The following PLXNB3 variants were observed in gnomAD, a reference collection of about 807,000 sequenced individuals.
PLXNB3 encodes the protein plexin B3.
Under a neutral mutation model 125.7 loss-of-function variants are expected in PLXNB3, and 80 were observed. That is an observed-to-expected ratio of 0.64 (90% CI 0.53 to 0.77). PLXNB3 has a LOEUF of 0.77. PLXNB3 is among the 30% of genes least tolerant of loss of function. The probability of loss-of-function intolerance (pLI) is 0.00; values close to 1 mark genes in which losing one functional copy is unlikely to be tolerated. For synonymous variants in PLXNB3, 954 were observed against 783.3 expected (o/e 1.22, Z -3.64); for missense variants, 1,836 against 1,729.3 (o/e 1.06, Z -1.09).
intron 2 of PLXNB3, 140 bp from the exon 3 acceptor site, chrX:153,766,733 C>T (rs1326051427): frequency 4.8e-6 from 5 of 1,050,434 alleles, no homozygotes; most frequent in Admixed American, 4.0e-5. Flanking sequence ...TCTCCGCTCA[C>T]TCTCTCTCAT....
In PLXNB3 at chrX:153,768,341, C is replaced by T. The variant is rs147527982; in HGVS notation, c.1179C>T (p.Leu393=). The change falls in exon 4 of 36, where the codon CTC becomes CTT. Residue 393 remains leucine, a synonymous_variant. Coordinates refer to ENST00000361971, the MANE Select transcript of PLXNB3 (RefSeq NM_005393.3). ...QPLEVQPLLK[L]GQPVSAVAAL... is the part of the protein sequence containing the mutation. ...TGGAGGTCCAGCCTCTGCTGAAGCT[C>T]GGGCAGCCGGTCAGCGCCGTGGCAG... 49 of 1,209,682 alleles carry T rather than the reference C, an allele frequency of 4.1e-5. No individual in the cohort carries two copies. In the Admixed American group the frequency reaches 4.3e-4, roughly 11 times the overall value.
At chrX:153,772,144 CCT>C in intron 15 of PLXNB3, 36 bp from the exon 16 acceptor site, 1 of 884,610 alleles carries the variant, frequency 1.1e-6, no homozygotes, top group Non-Finnish European at 1.4e-6. Flanking sequence ...CCCCTCCGTC[CCT>C]GAGCCCTGAG....
intron 31 of PLXNB3, 40 bp from the exon 32 acceptor site, chrX:153,777,908 A>T (rs2092014446): frequency 8.5e-7 from 1 of 1,176,247 alleles, no homozygotes; most frequent in Non-Finnish European, 1.1e-6. Context: ...TCACGATGGC[A>T]GGCCAGGGCC....
chrX:153,775,927 T>G lies in PLXNB3; in HGVS notation c.4442T>G (p.Ile1481Ser). ...CCACTGTACATGCTCTTCCGGGCCATCCAGTACCAGGTGGACAAAGGCCCC... is the reference window on the plus strand; with the variant it reads ...CCACTGTACATGCTCTTCCGGGCCAGCCAGTACCAGGTGGACAAAGGCCCC... ...GEPLYMLFRA[I>S]QYQVDKGPVD... The change falls in exon 27 of 36, where the codon ATC becomes AGC. Residue 1481 changes from isoleucine to serine, a missense_variant. Physicochemically the swap from Ile to Ser is moderately radical, Grantham distance 142 (BLOSUM62 -2). Coordinates refer to ENST00000361971, the MANE Select transcript of PLXNB3 (RefSeq NM_005393.3). 8.3e-7 allele frequency: 1 copy of G among 1,210,990 alleles called. No homozygotes were observed. The highest frequency in any genetic ancestry group is 1.1e-6 in the Non-Finnish European group (1 of 895,396).
intron 2 of PLXNB3, chrX:153,765,874 G>A (rs959089324): frequency 1.1e-5 from 8 of 752,702 alleles, no homozygotes; most frequent in Admixed American, 8.6e-5. Context: ...GGGCAGGAGG[G>A]GCCAGAGAAG....
chrX:153,771,719 C>A, intron 14 of PLXNB3, 64 bp downstream of exon 14: 1 of 1,125,686 alleles, frequency 8.9e-7, no homozygotes, highest in East Asian at 3.1e-5. Flanking sequence ...ACTGTCCTGT[C>A]CTCCGTGATC....
At position 153,775,253 on chromosome X, in the gene PLXNB3, G is replaced by A. The variant is rs150648419; in HGVS notation, c.4184G>A (p.Ser1395Asn). ...ATCCACACCCTGGAGGAGCAGCCCA[G>A]CTTTTCCCAGAGGGATCGCTGCCAT... ...TLIHTLEEQP[S>N]FSQRDRCHVA... The change falls in exon 25 of 36, where the codon AGC becomes AAC. Residue 1395 changes from serine (S) to asparagine (N), a missense_variant. Physicochemically the swap from Ser to Asn is conservative, Grantham distance 46. Coordinates refer to ENST00000361971, the MANE Select transcript of PLXNB3 (RefSeq NM_005393.3). 3,499 of 1,195,975 alleles carry A rather than the reference G, an allele frequency of 2.9e-3. 8 individuals are homozygous for A. The highest frequency in any genetic ancestry group is 6.7e-3 in the Middle Eastern group (29 of 4,298).
At position 153,766,910 on chromosome X, in the gene PLXNB3, G is replaced by A. The variant is rs35537879; in HGVS notation, c.83G>A (p.Cys28Tyr). Reference sequence around the variant, plus strand: ...GCTCGCTGGCCTCCCTTCGGCCTCTGCCTCCTCCTGCTGCTGCTGTCCCCA... The same window carrying A: ...GCTCGCTGGCCTCCCTTCGGCCTCTACCTCCTCCTGCTGCTGCTGTCCCCA... ...VMARWPPFGL[C>Y]LLLLLLSPPP... Residue 28 changes from cysteine to tyrosine, a missense_variant, in exon 3 of 36, where the codon TGC becomes TAC. By Grantham distance (194) the Cys-to-Tyr change is radical. Transcript: ENST00000361971. The A allele has an allele frequency of 6.2e-4, 744 of 1,205,513 alleles. 4 individuals are homozygous for A. In the African/African-American group the frequency reaches 0.012, roughly 19 times the overall value.
Position 153,773,102 on chromosome X carries a change from G to C in PLXNB3, c.2906+86G>C. 6 of 1,072,971 alleles carry C rather than the reference G, an allele frequency of 5.6e-6. No homozygotes were observed. In the South Asian group the frequency reaches 1.4e-4, roughly 24 times the overall value. The allele number at this position is 1,072,971 out of a possible 1,213,427, so 88.4% of individuals were successfully genotyped here. On this transcript the variant is annotated intron_variant, in intron 17 of 35. Coordinates refer to ENST00000361971, the MANE Select transcript of PLXNB3 (RefSeq NM_005393.3). ...GTACATTTAGAGAAGTGGTTGCTGTGGCCACCCCCAGTGGTCCCTGCCCTT... is the reference window on the plus strand; with the variant it reads ...GTACATTTAGAGAAGTGGTTGCTGTCGCCACCCCCAGTGGTCCCTGCCCTT...
At chrX:153,770,735 G>T in intron 10 of PLXNB3, 23 bp from the exon 11 acceptor site, 34 of 1,203,900 alleles carry the variant, frequency 2.8e-5, no homozygotes, top group Non-Finnish European at 3.7e-5. Context: ...GTTCTGAAGG[G>T]CTGAGGGCTC....
chrX:153,766,973 C>T lies in PLXNB3; in HGVS notation c.146C>T (p.Ala49Val). 8.3e-7 allele frequency: 1 copy of T among 1,210,919 alleles called. No homozygotes were observed. The highest frequency in any genetic ancestry group is 1.1e-6 in the Non-Finnish European group (1 of 895,422). Residue 49 changes from alanine (A) to valine (V), a missense_variant, in exon 3 of 36, where the codon GCA becomes GTA. Coordinates refer to ENST00000361971, the MANE Select transcript of PLXNB3 (RefSeq NM_005393.3). ...LPLTGAHRFS[A>V]PNTTLNHLAL... ...TTGACAGGGGCCCATCGCTTCTCCG[C>T]ACCTAATACCACTCTCAACCACTTG...
Position 153,778,956 on chromosome X carries a change from G to A in PLXNB3, c.5647G>A (p.Asp1883Asn). Residue 1883 changes from aspartate to asparagine, a missense_variant, in exon 36 of 36, where the codon GAC (aspartate) becomes AAC (asparagine). Asp to Asn is a conservative substitution (Grantham distance 23). Coordinates refer to ENST00000361971, the MANE Select transcript of PLXNB3 (RefSeq NM_005393.3). ...GCAGATTATCAGTGCCCTGGAGGAG[G>A]ACCCTGTGGGCCAGAAGCTGCAGCT... Reference protein sequence around the residue: ...YDQIISALEEDPVGQKLQLAC... With the variant: ...YDQIISALEENPVGQKLQLAC... 14 of 1,190,388 alleles carry A rather than the reference G, an allele frequency of 1.2e-5. No individual in the cohort carries two copies. The highest frequency in any genetic ancestry group is 3.0e-5 in the East Asian group (1 of 33,245).
At position 153,774,016 on chromosome X, in the gene PLXNB3, C is replaced by T; in HGVS notation, c.3437C>T (p.Pro1146Leu). Residue 1146 changes from proline to leucine, a missense_variant, in exon 20 of 36, where the codon CCC becomes CTC. Physicochemically the swap from Pro to Leu is moderately conservative, Grantham distance 98 (BLOSUM62 -3). Transcript: ENST00000361971. ...GGGGGCCAGGGCTTCCTGTACCAGC[C>T]CAACCCCCGCCTGGCACCCCTCAGC... is the stretch of plus-strand genomic sequence containing the variant. ...ASGGQGFLYQPNPRLAPLSRE... is the reference protein window; with the variant it reads ...ASGGQGFLYQLNPRLAPLSRE... 1 of 1,202,235 alleles carries T rather than the reference C, an allele frequency of 8.3e-7. No individual in the cohort carries two copies. The highest frequency in any genetic ancestry group is 1.1e-6 in the Non-Finnish European group (1 of 890,235).
In PLXNB3 at chrX:153,778,403, G is replaced by A; in HGVS notation, c.5482G>A (p.Ala1828Thr). The change falls in exon 34 of 36, where the codon GCG becomes ACG. Residue 1828 changes from alanine to threonine, a missense_variant. Coordinates refer to ENST00000361971, the MANE Select transcript of PLXNB3 (RefSeq NM_005393.3). ...RYKQMVERYYADIRQSSPASY... is the reference protein window; with the variant it reads ...RYKQMVERYYTDIRQSSPASY... ...CGAAGTCTGCTCCTCCAGGTACTAT[G>A]CGGACATTCGCCAGAGCTCTCCGGC... is the stretch of plus-strand genomic sequence containing the variant. 8.3e-7 allele frequency: 1 copy of A among 1,211,509 alleles called. No homozygotes were observed.
At chrX:153,765,170 G>A (rs945252304) in intron 1 of PLXNB3, among the ~76,000 whole-genome samples, 4 of 112,957 alleles carry the variant, frequency 3.5e-5, no homozygotes, top group African/African-American at 1.3e-4. Flanking sequence ...AGGAAACCCC[G>A]GCCCTTTGTC....
At chrX:153,773,771 G>A in intron 19 of PLXNB3, 58 bp downstream of exon 19, 2 of 1,185,873 alleles carry the variant, frequency 1.7e-6, no homozygotes, top group South Asian at 3.7e-5. Context: ...TGCCCAGTGG[G>A]GAGGAGGAGG....
chrX:153,776,777 A>AGGCAG (rs2092000696), intron 28 of PLXNB3, 110 bp from the exon 29 acceptor site: 2 of 319,112 alleles, frequency 6.3e-6, no homozygotes, highest in Admixed American at 8.0e-5. Context: ...GGGTGAGGCG[A>AGGCAG]GGCAGGGCAG....
chrX:153,772,971 C>T lies in PLXNB3; in HGVS notation c.2861C>T (p.Thr954Ile), dbSNP rs782094625. Reference protein sequence around the residue: ...QLTIRGQHLQTGGNTSAFVGG... With the variant: ...QLTIRGQHLQIGGNTSAFVGG... ...ACCATCCGAGGTCAGCACCTCCAGA[C>T]AGGTGGCAACACCAGTGCCTTCGTG... Residue 954 changes from threonine (T) to isoleucine (I), a missense_variant, in exon 17 of 36, where the codon ACA becomes ATA. Physicochemically the swap from Thr to Ile is moderately conservative, Grantham distance 89 (BLOSUM62 -1). Coordinates refer to ENST00000361971, the MANE Select transcript of PLXNB3 (RefSeq NM_005393.3). 29 of 1,197,962 alleles carry T rather than the reference C, an allele frequency of 2.4e-5. No individual in the cohort carries two copies. The South Asian group carries it at 4.4e-4, about 18-fold the overall frequency.
At chrX:153,766,495 C>T (rs1332787549) in intron 2 of PLXNB3, 3 of 1,048,983 alleles carry the variant, frequency 2.9e-6, no homozygotes, top group Non-Finnish European at 3.7e-6. Context: ...TCTCTCCATC[C>T]CTGCCCCCTC....
Sources: gnomAD v4.1 joint callset for allele counts (sites outside exome capture counted in the v4.1 genomes callset) on GRCh38, gnomAD v4.1.1 for gene constraint, MANE v1.5 for transcripts, NCBI Gene and HGNC (gene_info 2026-07-23, HGNC 2026-07-21) for gene names.